Variants in KIAA1755 observed in about 807,000 individuals in gnomAD.
KIAA1755 encodes the protein KIAA1755.
Under a neutral mutation model 91.7 loss-of-function variants are expected in KIAA1755, and 68 were observed. The observed-to-expected ratio is 0.74, with a 90% CI of 0.61 to 0.91. The LOEUF is 0.91. KIAA1755 is among the 40% of genes least tolerant of loss of function. The pLI is 0.00. For synonymous variants in KIAA1755, 610 were observed against 604.6 expected (o/e 1.01, Z -0.13); for missense variants, 1,535 against 1,494.4 (o/e 1.03, Z -0.45).
rs770258224 is a variant in KIAA1755, at chr20:38,213,667, C to T, written c.2978G>A (p.Gly993Glu). ...GTAGCGGTGGAGGCGGCGCTGGTCC[C>T]CAGGACTGACCCTTGAGGTCTTGTC... ...RLDKTSRVSP[G>E]DQRRLHRYLQ... The change falls in exon 14 of 14, where the codon GGG (glycine) becomes GAG (glutamate). Residue 993 changes from glycine to glutamate, a missense_variant. Coordinates refer to ENST00000279024, the MANE Select transcript of KIAA1755 (RefSeq NM_001029864.2). 1 of 1,594,490 alleles carries T rather than the reference C, an allele frequency of 6.3e-7. No individual in the cohort carries two copies. The highest frequency in any genetic ancestry group is 8.5e-7 in the Non-Finnish European group (1 of 1,170,184).
intron 5 of KIAA1755, among the ~76,000 whole-genome samples, chr20:38,230,655 G>A (rs1214259486): frequency 2.0e-5 from 3 of 152,192 alleles, no homozygotes; most frequent in Non-Finnish European, 2.9e-5. Context: ...TTGGGAGGCC[G>A]AGGTGGGTGG....
At position 38,212,743 on chromosome 20, in the gene KIAA1755, T is replaced by C; in HGVS notation, c.*299A>G. The C allele has an allele frequency of 6.6e-6, 2 of 302,520 alleles. No homozygotes were observed. The highest frequency in any genetic ancestry group is 1.2e-5 in the Non-Finnish European group (2 of 162,546). 18.7% of individuals were successfully genotyped at this position (302,520 alleles called of 1,614,324 possible). A position where few individuals can be genotyped will look rare whatever the true frequency, so the allele number is the denominator to read the frequency against. Reference sequence around the variant, plus strand: ...TGCGAGCGAGACCTCTGGAGGGGTCTGTGCCGACAGGTCTTTCCACAATGA... The same window carrying C: ...TGCGAGCGAGACCTCTGGAGGGGTCCGTGCCGACAGGTCTTTCCACAATGA... On this transcript the variant is annotated 3_prime_UTR_variant, in exon 14 of 14. Transcript: ENST00000279024.
intron 6 of KIAA1755, 142 bp downstream of exon 6, chr20:38,228,005 T>G: frequency 3.8e-6 from 2 of 529,506 alleles, no homozygotes; most frequent in Non-Finnish European, 3.2e-6. Flanking sequence ...TTGTTAGGGC[T>G]GAGTTTTCTG....
chr20:38,257,952 T>A (rs1197096433), intron 1 of KIAA1755, among the ~76,000 whole-genome samples: 1 of 151,548 alleles, frequency 6.6e-6, no homozygotes, highest in Non-Finnish European at 1.5e-5. Context: ...CAGGCTGGAG[T>A]GCAATGGTGC....
Position 38,219,754 on chromosome 20 carries a change from G to A in KIAA1755, c.2432C>T (p.Ala811Val). The A allele has an allele frequency of 1.2e-6, 2 of 1,614,174 alleles. No homozygotes were observed. Among genetic ancestry groups the A allele is most frequent in the Non-Finnish European group, 8.5e-7 (1 of 1,180,024 alleles). ...FSPDVRSHLAAATALYSLVDE... is the reference protein window; with the variant it reads ...FSPDVRSHLAVATALYSLVDE... Reference sequence around the variant, plus strand: ...CACAAGGCTGTACAAGGCAGTGGCTGCAGCCAGATGGCTCCTGGGAGGTGG... The same window carrying A: ...CACAAGGCTGTACAAGGCAGTGGCTACAGCCAGATGGCTCCTGGGAGGTGG... Residue 811 changes from alanine (A) to valine (V), a missense_variant, in exon 11 of 14, where the codon GCA becomes GTA. By Grantham distance (64) the Ala-to-Val change is moderately conservative. Coordinates refer to ENST00000279024, the MANE Select transcript of KIAA1755 (RefSeq NM_001029864.2).
Position 38,239,617 on chromosome 20 carries a change from G to A in KIAA1755, c.1658C>T (p.Pro553Leu), listed in dbSNP as rs1190630042. 1.2e-6 allele frequency: 2 copies of A among 1,605,952 alleles called. No individual in the cohort carries two copies. Among genetic ancestry groups the A allele is most frequent in the Admixed American group, 1.7e-5 (1 of 57,940 alleles). ...CCCTGGGGGCTCCTCCTCCAGGGTG[G>A]GGCCTCTTTCTGGGGAGCCTGCAGA... The part of the protein sequence containing the change: ...EASAGSPERG[P>L]TLEEEPPGPE... Residue 553 changes from proline to leucine, a missense_variant, in exon 4 of 14, where the codon CCC (proline) becomes CTC (leucine). Coordinates refer to ENST00000279024, the MANE Select transcript of KIAA1755 (RefSeq NM_001029864.2).
At chr20:38,230,242 CACTCACTG>C (rs1236435620) in intron 5 of KIAA1755, among the ~76,000 whole-genome samples, 1 of 152,192 alleles carries the variant, frequency 6.6e-6, no homozygotes, top group African/African-American at 2.4e-5. Flanking sequence ...TTCACTCACT[CACTCACTG>C]ACTCACCCAC....
intron 1 of KIAA1755, 123 bp from the exon 2 acceptor site, chr20:38,246,249 C>T (rs2076158892): frequency 1.3e-6 from 1 of 761,114 alleles, no homozygotes; most frequent in Non-Finnish European, 2.1e-6. Context: ...CCTCTCCTAC[C>T]CCACCCCCCT....
chr20:38,218,751 G>A (rs180756739), intron 11 of KIAA1755, among the ~76,000 whole-genome samples: 36 of 152,294 alleles, frequency 2.4e-4, no homozygotes, highest in African/African-American at 6.5e-4. Flanking sequence ...GTTTGTGTGC[G>A]CGTGCACATG....
In KIAA1755 at chr20:38,260,522, G is replaced by A; in HGVS notation, c.-22C>T. On this transcript the variant is annotated 5_prime_UTR_variant, in exon 1 of 14. Transcript: ENST00000279024. ...CCATGGTGACGGGCTGCCAGCGGCG[G>A]GCGGCGCGGCTCCTCTCCTGGGCGC... 1.3e-6 allele frequency: 2 copies of A among 1,481,626 alleles called. No individual in the cohort carries two copies. The highest frequency in any genetic ancestry group is 1.8e-6 in the Non-Finnish European group (2 of 1,118,502). 91.8% of individuals were successfully genotyped at this position (1,481,626 alleles called of 1,614,324 possible).
At chr20:38,227,076 T>G (rs1048798618) in intron 7 of KIAA1755, 78 bp downstream of exon 7, 39 of 1,049,714 alleles carry the variant, frequency 3.7e-5, no homozygotes, top group Non-Finnish European at 5.3e-5. Context: ...AATTCTGCAG[T>G]TCTCCCTCTC....
intron 1 of KIAA1755, chr20:38,260,112 T>A (rs2076419898): frequency 1.9e-6 from 2 of 1,045,160 alleles, no homozygotes; most frequent in Admixed American, 3.9e-5. Flanking sequence ...CCACCACTCT[T>A]CCCCATCCAA....
At chr20:38,214,674 T>C (rs142641497) in intron 13 of KIAA1755, among the ~76,000 whole-genome samples, 1 of 152,286 alleles carries the variant, frequency 6.6e-6, no homozygotes, top group African/African-American at 2.4e-5. Flanking sequence ...CATCACACCT[T>C]GAGACTGTCA....
chr20:38,225,581 G>A (rs1057062099), intron 8 of KIAA1755, 84 bp downstream of exon 8: 1 of 880,020 alleles, frequency 1.1e-6, no homozygotes, highest in Non-Finnish European at 2.0e-6. Context: ...AGCATAGCAG[G>A]GTTGATGGAT....
At chr20:38,242,710 C>A (rs1167288132) in intron 2 of KIAA1755, among the ~76,000 whole-genome samples, 1 of 152,136 alleles carries the variant, frequency 6.6e-6, no homozygotes, top group African/African-American at 2.4e-5. Context: ...AATGAGAAGT[C>A]AGGAAATCTG....
At chr20:38,251,486 T>C (rs2076248257) in intron 1 of KIAA1755, among the ~76,000 whole-genome samples, 1 of 151,924 alleles carries the variant, frequency 6.6e-6, no homozygotes, top group African/African-American at 2.4e-5. Context: ...ACAGTGGTTA[T>C]ACCTGGGCAA....
At position 38,241,660 on chromosome 20, in the gene KIAA1755, A is replaced by T; in HGVS notation, c.471T>A (p.Phe157Leu). The T allele has an allele frequency of 1.2e-6, 2 of 1,614,198 alleles. No individual in the cohort carries two copies. Among genetic ancestry groups the T allele is most frequent in the Non-Finnish European group, 1.7e-6 (2 of 1,180,038 alleles). ...QEWLEAINSDFEGNPLHNCLV... is the reference protein window; with the variant it reads ...QEWLEAINSDLEGNPLHNCLV... ...AGCAGTTGTGTAGGGGATTTCCCTC[A>T]AAGTCACTGTTGATGGCCTCCAGCC... Residue 157 changes from phenylalanine (F) to leucine (L), a missense_variant, in exon 3 of 14, where the codon TTT (phenylalanine) becomes TTA (leucine). Phe to Leu is a conservative substitution (Grantham distance 22, BLOSUM62 0). Coordinates refer to ENST00000279024, the MANE Select transcript of KIAA1755 (RefSeq NM_001029864.2).
At chr20:38,240,530 A>T (rs970278298) in intron 3 of KIAA1755, 52 bp downstream of exon 3, 2 of 1,427,938 alleles carry the variant, frequency 1.4e-6, no homozygotes, top group African/African-American at 1.4e-5. Context: ...CTAAAATGTG[A>T]TCTCAACCAG....
At chr20:38,226,100 C>T (rs1024148399) in intron 7 of KIAA1755, among the ~76,000 whole-genome samples, 2 of 152,138 alleles carry the variant, frequency 1.3e-5, no homozygotes, top group African/African-American at 2.4e-5. Context: ...TACAGCTCTC[C>T]GGGCAATCAT....
Sources: allele counts gnomAD v4.1 joint callset (sites outside exome capture counted in the v4.1 genomes callset), GRCh38; gene constraint gnomAD v4.1.1; transcripts MANE v1.5; gene names NCBI Gene and HGNC (gene_info 2026-07-23, HGNC 2026-07-21).